The following NOS1AP variants were observed in gnomAD, a reference collection of about 807,000 sequenced individuals.
NOS1AP encodes carboxyl-terminal PDZ ligand of neuronal nitric oxide synthase protein.
In NOS1AP, 21 loss-of-function variants were observed where a neutral mutation model predicts 56.2. That is an observed-to-expected ratio of 0.37 (90% CI 0.26 to 0.54). NOS1AP has a LOEUF of 0.54. NOS1AP is among the 20% of genes least tolerant of loss of function. NOS1AP has a pLI of 0.84. For synonymous variants in NOS1AP, 270 were observed against 274.6 expected, an observed-to-expected ratio of 0.98 and a Z score of 0.17; for missense variants, 522 against 657.8, an observed-to-expected ratio of 0.79 and a Z score of 2.26.
chr1:162,363,017 C>T (rs1657955057), intron 8 of NOS1AP: 1 of 527,156 alleles, frequency 1.9e-6, no homozygotes, highest in Admixed American at 6.4e-5. Flanking sequence ...TTCCCACACA[C>T]CAAGCAAGCA....
In NOS1AP at chr1:162,365,442, G is replaced by A. The variant is rs754575362; in HGVS notation, c.978G>A (p.Ala326=). The A allele has an allele frequency of 2.7e-5, 43 of 1,613,930 alleles. No homozygotes were observed. The East Asian group carries it at 4.9e-4, about 18-fold the overall frequency. Residue 326 remains alanine, a synonymous_variant, in exon 9 of 10, where the codon GCG becomes GCA. Transcript: ENST00000361897. ...AGGACCAGTTGGCTGCTGAGGCTGC[G>A]GCGCGGCTGGAGGCCCAGGCTCGCG... ...LLKDQLAAEA[A]ARLEAQARVH...
rs115972055 is a variant in NOS1AP at position 162,116,067 on chromosome 1, G to A, written c.106-38338G>A. On this transcript the variant is annotated intron_variant, in intron 1 of 9. Transcript: ENST00000361897. ...TATTCAAGCTAGCATTGCTGGGTGT[G>A]TCATCCTCCTTTACTTAGGAATATT... Among the ~76,000 whole-genome samples the A allele has an allele frequency of 8.6e-3, 1,305 of 152,286 alleles. 11 individuals carry two copies. The highest frequency in any genetic ancestry group is 0.022 in the South Asian group (107 of 4,822).
intron 2 of NOS1AP, among the ~76,000 whole-genome samples, chr1:162,225,180 T>C (rs989974371): frequency 6.6e-6 from 1 of 152,138 alleles, no homozygotes; most frequent in Admixed American, 6.5e-5. Flanking sequence ...CCTCCTAGGG[T>C]AGGGTTATGA....
intron 1 of NOS1AP, among the ~76,000 whole-genome samples, chr1:162,071,207 T>C (rs1341830253): frequency 6.6e-6 from 1 of 152,204 alleles, no homozygotes; most frequent in East Asian, 1.9e-4. Flanking sequence ...CCAGGGACTT[T>C]CGGCACCTAC....
intron 2 of NOS1AP, among the ~76,000 whole-genome samples, chr1:162,209,225 G>C (rs899571139): frequency 6.6e-6 from 1 of 152,130 alleles, no homozygotes; most frequent in Admixed American, 6.5e-5. Context: ...AAATATTTCT[G>C]GTGCCCCTTC....
chr1:162,281,886 T>C (rs574331214), intron 2 of NOS1AP, among the ~76,000 whole-genome samples: 1 of 152,314 alleles, frequency 6.6e-6, no homozygotes, highest in African/African-American at 2.4e-5. Context: ...TTTGGGAGGC[T>C]GGGGCGGGCA....
rs149519081 is a variant in NOS1AP, at chr1:162,333,068, C to T, written c.396C>T (p.Ile132=). The T allele has an allele frequency of 5.9e-5, 96 of 1,613,902 alleles. No individual in the cohort carries two copies. In the African/African-American group the frequency reaches 1.1e-3, roughly 18 times the overall value. ...AAGACTTGAAGATCTTCAGCTATAT[C>T]GCTCGAGATGGTGCCAGCAATATCT... ...DSQDLKIFSY[I]ARDGASNIFR... Residue 132 remains isoleucine (I), a synonymous_variant, in exon 5 of 10, where the codon ATC becomes ATT. Coordinates refer to ENST00000361897, the MANE Select transcript of NOS1AP (RefSeq NM_014697.3).
chr1:162,227,114 A>G (rs1172671277), intron 2 of NOS1AP, among the ~76,000 whole-genome samples: 8 of 152,226 alleles, frequency 5.3e-5, no homozygotes, highest in African/African-American at 1.9e-4. Flanking sequence ...GGCTAAAAAA[A>G]TTATCACCCT....
At chr1:162,276,180 G>A (rs533615198) in intron 2 of NOS1AP, among the ~76,000 whole-genome samples, 80 of 152,142 alleles carry the variant, frequency 5.3e-4, no homozygotes, top group Admixed American at 3.9e-3. Context: ...GTTGGGTTAT[G>A]GCACTTTGCT....
intron 4 of NOS1AP, among the ~76,000 whole-genome samples, chr1:162,325,630 CAGTT>C (rs1656565274): frequency 6.6e-6 from 1 of 152,090 alleles, no homozygotes; most frequent in African/African-American, 2.4e-5. Context: ...CATGCCTTCA[CAGTT>C]AGGCCTCATT....
At position 162,366,854 on chromosome 1, in the gene NOS1AP, C is replaced by G; in HGVS notation, c.1106-198C>G. 6.1e-6 allele frequency: 4 copies of G among 658,870 alleles called. No individual in the cohort carries two copies. The South Asian group carries it at 7.2e-5, about 12-fold the overall frequency. The allele number at this position is 658,870 out of a possible 1,614,324, so 40.8% of individuals were successfully genotyped here. On this transcript the variant is annotated intron_variant, in intron 9 of 9. Coordinates refer to ENST00000361897, the MANE Select transcript of NOS1AP (RefSeq NM_014697.3). ...GCCTTTACCACGTCCCAAAGCTCCT[C>G]CCCTCCAGCGAGGTGTGTCTGGAGC...
chr1:162,267,616 A>T (rs1654465270), intron 2 of NOS1AP, among the ~76,000 whole-genome samples: 2 of 144,736 alleles, frequency 1.4e-5, no homozygotes, highest in African/African-American at 2.6e-5. Flanking sequence ...AAAAAAAAAA[A>T]TTATTTTAAA....
At chr1:162,343,466 A>C (rs563006817) in intron 5 of NOS1AP, among the ~76,000 whole-genome samples, 1 of 152,336 alleles carries the variant, frequency 6.6e-6, no homozygotes, top group Admixed American at 6.5e-5. Flanking sequence ...GCATTCAAAA[A>C]AGAAAAAAAT....
At chr1:162,081,090 C>G (rs1397735806) in intron 1 of NOS1AP, among the ~76,000 whole-genome samples, 1 of 152,184 alleles carries the variant, frequency 6.6e-6, no homozygotes, top group African/African-American at 2.4e-5. Context: ...TAATGTTTAT[C>G]AAGTGCTCAC....
intron 2 of NOS1AP, among the ~76,000 whole-genome samples, chr1:162,156,102 T>C (rs1284291678): frequency 6.6e-6 from 1 of 152,224 alleles, no homozygotes; most frequent in Non-Finnish European, 1.5e-5. Context: ...ATAAAATCTT[T>C]TCATTGCCTT....
intron 1 of NOS1AP, among the ~76,000 whole-genome samples, chr1:162,101,341 C>T (rs1647254589): frequency 6.6e-6 from 1 of 152,056 alleles, no homozygotes; most frequent in Admixed American, 6.6e-5. Flanking sequence ...TTACTGGAGC[C>T]TTGTAGTATA....
At chr1:162,072,115 A>AGATAGAT (rs1387390019) in intron 1 of NOS1AP, among the ~76,000 whole-genome samples, 1 of 117,076 alleles carries the variant, frequency 8.5e-6, no homozygotes, top group East Asian at 2.8e-4. Context: ...GATAGATAGA[A>AGATAGAT]AGTGTATTTT....
chr1:162,290,797 G>A (rs1203253025), intron 3 of NOS1AP, among the ~76,000 whole-genome samples: 2 of 152,166 alleles, frequency 1.3e-5, no homozygotes, highest in African/African-American at 4.8e-5. Context: ...CCTCACCCCA[G>A]ATGAGAAGAC....
chr1:162,337,196 G>A (rs1470245099), intron 5 of NOS1AP, among the ~76,000 whole-genome samples: 2 of 152,172 alleles, frequency 1.3e-5, no homozygotes, highest in South Asian at 2.1e-4. Flanking sequence ...AAGTGCTGGT[G>A]ATTAACAGGA....
Sources: gnomAD v4.1 joint callset for allele counts (sites outside exome capture counted in the v4.1 genomes callset) on GRCh38, gnomAD v4.1.1 for gene constraint, MANE v1.5 for transcripts, NCBI Gene and HGNC (gene_info 2026-07-23, HGNC 2026-07-21) for gene names.